The following SLC7A14 variants were observed in gnomAD, a reference collection of about 807,000 sequenced individuals.
SLC7A14 encodes the protein solute carrier family 7 member 14.
In SLC7A14, 37 loss-of-function variants were observed where a neutral mutation model predicts 60.2. The observed-to-expected ratio is 0.61, with a 90% CI of 0.47 to 0.81. The LOEUF is 0.81. Ranked by LOEUF, SLC7A14 falls within the 30% of genes least tolerant of loss-of-function variation. The probability of loss-of-function intolerance (pLI) is 0.00; values close to 1 mark genes in which losing one functional copy is unlikely to be tolerated. For synonymous variants in SLC7A14, 399 were observed against 395.8 expected, an observed-to-expected ratio of 1.01 and a Z score of -0.10; for missense variants, 886 against 982.7, an observed-to-expected ratio of 0.90 and a Z score of 1.32.
At chr3:170,529,831 A>C (rs1441484174) in intron 1 of SLC7A14, among the ~76,000 whole-genome samples, 2 of 152,336 alleles carry the variant, frequency 1.3e-5, no homozygotes, top group East Asian at 3.9e-4. Context: ...TTTGTAAACA[A>C]AGTCACACAC....
intron 1 of SLC7A14, among the ~76,000 whole-genome samples, chr3:170,563,416 TG>T (rs371409864): frequency 0.11 from 11,438 of 101,232 alleles, 635 homozygotes; most frequent in East Asian, 0.19. Flanking sequence ...TTTGTTTGTT[TG>T]TTTTTTTTTT....
intron 6 of SLC7A14, among the ~76,000 whole-genome samples, chr3:170,481,609 C>T (rs1451112910): frequency 1.3e-5 from 2 of 152,082 alleles, no homozygotes. Context: ...ACCATGTTGA[C>T]CAGGCTGGTC....
chr3:170,559,916 CT>C (rs1444349842), intron 1 of SLC7A14, among the ~76,000 whole-genome samples: 2 of 152,240 alleles, frequency 1.3e-5, no homozygotes, highest in Non-Finnish European at 2.9e-5. Flanking sequence ...CCTCTCTAGC[CT>C]GGTTGTCTTT....
At chr3:170,498,995 G>A in intron 3 of SLC7A14, 111 bp from the exon 4 acceptor site, 1 of 940,450 alleles carries the variant, frequency 1.1e-6, no homozygotes, top group Admixed American at 2.3e-5. Flanking sequence ...GCAGTAAACT[G>A]GGAGGCCGAG....
intron 1 of SLC7A14, among the ~76,000 whole-genome samples, chr3:170,555,287 AC>A: frequency 1.3e-5 from 2 of 151,928 alleles, no homozygotes; most frequent in Middle Eastern, 3.4e-3. Context: ...AATAATAATC[AC>A]CCATATTCCA....
At position 170,556,449 on chromosome 3, in the gene SLC7A14, C is replaced by A. The variant is rs114192600; in HGVS notation, c.-152-29361G>T. Among the ~76,000 whole-genome samples, 807 of 152,278 alleles carry A rather than the reference C, an allele frequency of 5.3e-3. 12 individuals carry two copies. The highest frequency in any genetic ancestry group is 0.019 in the African/African-American group (771 of 41,548). ...CTAAATTTCAGATCTTCTGTAAATA[C>A]CATTAATCATGTCTACTTTGCAGGT... On this transcript the variant is annotated intron_variant, in intron 1 of 7. Transcript: ENST00000231706.
At chr3:170,504,063 C>T (rs906612886) in intron 2 of SLC7A14, among the ~76,000 whole-genome samples, 4 of 152,140 alleles carry the variant, frequency 2.6e-5, no homozygotes, top group Non-Finnish European at 5.9e-5. Flanking sequence ...TGTAAAAGAT[C>T]TTATAATATT....
chr3:170,483,615 G>T, intron 5 of SLC7A14, 93 bp from the exon 6 acceptor site: 1 of 1,383,304 alleles, frequency 7.2e-7, no homozygotes, highest in Non-Finnish European at 1.0e-6. Flanking sequence ...TGCCCCTGGA[G>T]GCAGAGGCTT....
chr3:170,581,405 A>C (rs1241963592), intron 1 of SLC7A14, among the ~76,000 whole-genome samples: 1 of 152,164 alleles, frequency 6.6e-6, no homozygotes, highest in Non-Finnish European at 1.5e-5. Flanking sequence ...AAAAGGTAAA[A>C]GCTGTTCCAA....
chr3:170,537,489 T>G (rs756136549), intron 1 of SLC7A14, among the ~76,000 whole-genome samples: 2 of 152,242 alleles, frequency 1.3e-5, no homozygotes, highest in Non-Finnish European at 2.9e-5. Flanking sequence ...GGGAACATTA[T>G]TCCATCTTCT....
rs529760204 is a variant in SLC7A14 at position 170,463,379 on chromosome 3, C to T, written c.*3676G>A. 2 of 152,262 alleles carry T rather than the reference C, an allele frequency of 1.3e-5. No homozygotes were observed. The highest frequency in any genetic ancestry group is 2.1e-4 in the South Asian group (1 of 4,814). 9.4% of individuals were successfully genotyped at this position (152,262 alleles called of 1,614,324 possible). On this transcript the variant is annotated 3_prime_UTR_variant, in exon 8 of 8. Coordinates refer to ENST00000231706, the MANE Select transcript of SLC7A14 (RefSeq NM_020949.3). ...ATTCTACCCACTTCACAAGTTCCAA[C>T]ACAAGTGTGACATTCTTTATGACCT...
intron 1 of SLC7A14, among the ~76,000 whole-genome samples, chr3:170,539,836 T>G (rs570085256): frequency 1.6e-4 from 24 of 152,334 alleles, no homozygotes; most frequent in Admixed American, 5.9e-4. Context: ...TTTTCCTATA[T>G]GTACATACCT....
intron 1 of SLC7A14, among the ~76,000 whole-genome samples, chr3:170,537,824 G>A (rs990358978): frequency 3.9e-5 from 6 of 152,200 alleles, no homozygotes; most frequent in Non-Finnish European, 5.9e-5. Context: ...GTACTGCTCC[G>A]TATTTAAAAA....
In SLC7A14 at chr3:170,481,123, C is replaced by T. The variant is rs201349392; in HGVS notation, c.1159G>A (p.Ala387Thr). Residue 387 changes from alanine (A) to threonine (T), a missense_variant, in exon 7 of 8, where the codon GCC becomes ACC. Coordinates refer to ENST00000231706, the MANE Select transcript of SLC7A14 (RefSeq NM_020949.3). ...GCCAGGAACCCCGACACGATGCAGG[C>T]CACCACTGGTGTCTCTGTGTAGGAG... is the stretch of plus-strand genomic sequence containing the variant. ...VSSYTETPVV[A>T]CIVSGFLAAL... 10 of 1,613,966 alleles carry T rather than the reference C, an allele frequency of 6.2e-6. No homozygotes were observed. The East Asian group carries it at 2.0e-4, about 32-fold the overall frequency.
intron 1 of SLC7A14, among the ~76,000 whole-genome samples, chr3:170,578,696 A>T (rs1446877919): frequency 1.3e-5 from 2 of 152,254 alleles, no homozygotes; most frequent in East Asian, 1.9e-4. Context: ...AGAACTTCTG[A>T]TAAATAATGA....
intron 4 of SLC7A14, chr3:170,495,844 A>C: frequency 8.6e-7 from 1 of 1,158,494 alleles, no homozygotes; most frequent in Non-Finnish European, 1.3e-6. Flanking sequence ...GCTCGGATCA[A>C]CGTATTTGAG....
intron 1 of SLC7A14, among the ~76,000 whole-genome samples, chr3:170,540,806 A>G (rs569146485): frequency 6.6e-6 from 1 of 152,244 alleles, no homozygotes; most frequent in Non-Finnish European, 1.5e-5. Context: ...AAGCTATTCA[A>G]CTGATTAGTG....
rs146895570 is a variant in SLC7A14, at chr3:170,511,141, C to T, written c.305-9796G>A. Among the ~76,000 whole-genome samples the T allele has an allele frequency of 1.8e-3, 267 of 152,258 alleles. 1 individual carries two copies. Among genetic ancestry groups the T allele is most frequent in the African/African-American group, 5.0e-3 (207 of 41,534 alleles). On this transcript the variant is annotated intron_variant, in intron 2 of 7. Coordinates refer to ENST00000231706, the MANE Select transcript of SLC7A14 (RefSeq NM_020949.3). ...CAAATAGGCCGGGTGCAGTGGCTCA[C>T]GCTTGTAATCCCAGCATTTTGGGAG...
intron 7 of SLC7A14, among the ~76,000 whole-genome samples, chr3:170,469,396 T>C (rs532126298): frequency 1.6e-4 from 25 of 152,336 alleles, no homozygotes; most frequent in African/African-American, 6.0e-4. Context: ...ATAGTCCTAA[T>C]TGGTAATAAA....
Sources: allele counts gnomAD v4.1 joint callset (sites outside exome capture counted in the v4.1 genomes callset), GRCh38; gene constraint gnomAD v4.1.1; transcripts MANE v1.5; gene names NCBI Gene and HGNC (gene_info 2026-07-23, HGNC 2026-07-21).